Variants in MBNL2 observed in about 807,000 individuals in gnomAD.
MBNL2 encodes muscleblind-like protein 2.
A neutral mutation model predicts 41.9 loss-of-function variants in MBNL2; 17 were observed. The ratio of observed to expected loss-of-function variants is 0.41; its 90% CI spans 0.28 to 0.61. MBNL2 has a LOEUF of 0.61. Among genes scored for constraint, MBNL2 ranks in the 20% least tolerant of loss-of-function variants. The pLI is 0.35. For synonymous variants in MBNL2, 195 were observed against 182.9 expected (o/e 1.07, Z -0.53); for missense variants, 336 against 505.6 (o/e 0.66, Z 3.22).
the MBNL2 span, among the ~76,000 whole-genome samples, chr13:97,160,363 G>A: frequency 2.6e-5 from 4 of 152,166 alleles, no homozygotes; most frequent in African/African-American, 9.6e-5. Context: ...TTTGCTGAAA[G>A]GAATTTTTGC....
the MBNL2 span, among the ~76,000 whole-genome samples, chr13:97,155,841 A>G: frequency 2.7e-5 from 4 of 149,600 alleles, no homozygotes; most frequent in Admixed American, 2.0e-4. Context: ...ATTGTGAATA[A>G]TGCCGCAATA....
At chr13:97,341,387 C>G (rs1317431041) in intron 3 of MBNL2, among the ~76,000 whole-genome samples, 1 of 152,148 alleles carries the variant, frequency 6.6e-6, no homozygotes, top group Non-Finnish European at 1.5e-5. Flanking sequence ...AGTCCGTAAA[C>G]CATTTAAATC....
chr13:97,206,689 T>G, the MBNL2 span, among the ~76,000 whole-genome samples: 1 of 152,144 alleles, frequency 6.6e-6, no homozygotes, highest in African/African-American at 2.4e-5. Flanking sequence ...ACTTGAGAAC[T>G]GATTGGAGCC....
At chr13:97,279,294 C>T (rs916370485) in intron 2 of MBNL2, among the ~76,000 whole-genome samples, 5 of 152,140 alleles carry the variant, frequency 3.3e-5, no homozygotes, top group Non-Finnish European at 7.3e-5. Flanking sequence ...TTACTTGGGA[C>T]GAGTTATTTT....
intron 2 of MBNL2, among the ~76,000 whole-genome samples, chr13:97,328,847 T>A (rs907257631): frequency 3.3e-5 from 5 of 152,218 alleles, no homozygotes; most frequent in Non-Finnish European, 7.3e-5. Context: ...TTAATTGATT[T>A]TTTTTCAATT....
intron 2 of MBNL2, among the ~76,000 whole-genome samples, chr13:97,311,751 A>G (rs1421627956): frequency 6.6e-6 from 1 of 152,002 alleles, no homozygotes. Flanking sequence ...TGCCTGAATT[A>G]AACATGTGAG....
the MBNL2 span, among the ~76,000 whole-genome samples, chr13:97,153,498 G>A: frequency 6.6e-6 from 1 of 152,232 alleles, no homozygotes; most frequent in East Asian, 1.9e-4. Flanking sequence ...GGTGAGAAAA[G>A]ATTGTTGGGA....
At chr13:97,374,179 G>A (rs1431293586) in intron 8 of MBNL2, among the ~76,000 whole-genome samples, 1 of 148,874 alleles carries the variant, frequency 6.7e-6, no homozygotes, top group Non-Finnish European at 1.5e-5. Flanking sequence ...ACGGAGTCTC[G>A]CTCTGTCGCC....
rs368866254 is a variant in MBNL2, at chr13:97,240,035, G to T, written c.-605+17504G>T. 9.8e-5 allele frequency among the ~76,000 whole-genome samples: 15 copies of T among 152,314 alleles called. No homozygotes were observed. In the East Asian group the frequency reaches 1.2e-3, roughly 12 times the overall value. ...AAAGCTCTCCCAAGTTACTCTGAAG[G>T]TTGATTTTGTTAGATACACATACTC... On this transcript the variant is annotated intron_variant, in intron 1 of 8. Transcript: ENST00000679496.
chr13:97,229,529 C>G (rs1334795685), intron 1 of MBNL2, among the ~76,000 whole-genome samples: 1 of 151,852 alleles, frequency 6.6e-6, no homozygotes, highest in Non-Finnish European at 1.5e-5. Context: ...AGTAACCATC[C>G]TTAGTGGTTG....
chr13:97,280,762 C>G lies in MBNL2; in HGVS notation c.174+4353C>G, dbSNP rs73557621. ...ATGCCAAGCAGGCTTTGCCTTAGGG[C>G]ATCTGCACTTGCTCTTTCCTCTGTT... On this transcript the variant is annotated intron_variant, in intron 2 of 8. Transcript: ENST00000679496. Among the ~76,000 whole-genome samples the G allele has an allele frequency of 2.6e-3, 393 of 152,356 alleles. 2 individuals carry two copies. The highest frequency in any genetic ancestry group is 9.1e-3 in the African/African-American group (379 of 41,594).
rs4771995 is a variant in MBNL2, at chr13:97,393,274, T to C, written c.*1825T>C. ...ACATTCAAACTTGTTTTCTTTTTTC[T>C]GTTTTTTTCTTTGTTAATTCATTTA... On this transcript the variant is annotated 3_prime_UTR_variant, in exon 9 of 9. Coordinates refer to ENST00000679496, the MANE Select transcript of MBNL2 (RefSeq NM_001382683.1). 0.033 allele frequency: 5,022 copies of C among 152,558 alleles called. 164 individuals carry two copies. The highest frequency in any genetic ancestry group is 0.1 in the East Asian group (543 of 5,180). The allele number at this position is 152,558 out of a possible 1,614,324, so 9.5% of individuals were successfully genotyped here. A position where few individuals can be genotyped will look rare whatever the true frequency, so the allele number is the denominator to read the frequency against.
At chr13:97,242,503 C>T (rs1401894753) in intron 1 of MBNL2, among the ~76,000 whole-genome samples, 5 of 152,006 alleles carry the variant, frequency 3.3e-5, no homozygotes, top group Non-Finnish European at 5.9e-5. Context: ...TGTTACCTGC[C>T]GTCTTCTACC....
chr13:97,352,300 C>T (rs2062574145), intron 5 of MBNL2, among the ~76,000 whole-genome samples: 1 of 152,180 alleles, frequency 6.6e-6, no homozygotes. Context: ...TTCGACATGC[C>T]TTCCTCACTA....
In MBNL2 at chr13:97,391,381, A is replaced by G; in HGVS notation, c.1108A>G (p.Thr370Ala). The G allele has an allele frequency of 6.3e-7, 1 of 1,591,026 alleles. No individual in the cohort carries two copies. The highest frequency in any genetic ancestry group is 8.6e-7 in the Non-Finnish European group (1 of 1,159,368). Residue 370 changes from threonine (T) to alanine (A), a missense_variant, in exon 9 of 9, where the codon ACT becomes GCT. Transcript: ENST00000679496. ...MECQESALRI[T>A]KHCYCTYYPV... ...ATGCCAAGAATCTGCATTGAGAATA[A>G]CTAAACATTGTTACTGTACATACTA... is the stretch of plus-strand genomic sequence containing the variant.
chr13:97,159,971 G>A, the MBNL2 span, among the ~76,000 whole-genome samples: 2 of 151,896 alleles, frequency 1.3e-5, no homozygotes, highest in Non-Finnish European at 2.9e-5. Flanking sequence ...AAATTCTCCT[G>A]GATAATATCC....
At chr13:97,368,351 C>T (rs2064036911) in intron 8 of MBNL2, among the ~76,000 whole-genome samples, 1 of 151,598 alleles carries the variant, frequency 6.6e-6, no homozygotes, top group Non-Finnish European at 1.5e-5. Context: ...GAGGTCGAGG[C>T]TGCAGTGAGC....
chr13:97,154,312 GT>G, the MBNL2 span, among the ~76,000 whole-genome samples: 1 of 151,832 alleles, frequency 6.6e-6, no homozygotes, highest in African/African-American at 2.4e-5. Context: ...TTGGTTTTTT[GT>G]TTTTTGTTTT....
At chr13:97,171,831 TC>T in the MBNL2 span, among the ~76,000 whole-genome samples, 5 of 152,186 alleles carry the variant, frequency 3.3e-5, no homozygotes, top group Non-Finnish European at 7.3e-5. Context: ...GGGGGCAGTT[TC>T]CCCAGTCTCT....
Sources: allele counts gnomAD v4.1 joint callset (sites outside exome capture counted in the v4.1 genomes callset), GRCh38; gene constraint gnomAD v4.1.1; transcripts MANE v1.5; gene names NCBI Gene and HGNC (gene_info 2026-07-23, HGNC 2026-07-21).